GMDS: variants seen among roughly 807,000 people sequenced by gnomAD.
GMDS encodes GDP-mannose 4,6-dehydratase, also known as GDP-mannose 4,6 dehydratase.
Under a neutral mutation model 49.9 loss-of-function variants are expected in GMDS, and 20 were observed. That is an observed-to-expected ratio of 0.40 (90% CI 0.28 to 0.58). GMDS has a LOEUF of 0.58. GMDS is among the 20% of genes least tolerant of loss of function. The pLI is 0.42. For missense variants in GMDS, 362 were observed against 481.4 expected (o/e 0.75, Z 2.32); for synonymous variants, 177 against 178.6 (o/e 0.99, Z 0.07).
chr6:1,879,612 T>TAC (rs1759266835), intron 7 of GMDS, among the ~76,000 whole-genome samples: 1 of 152,060 alleles, frequency 6.6e-6, no homozygotes, highest in South Asian at 2.1e-4. Flanking sequence ...AATATTGAGA[T>TAC]AGAGAGAAGT....
At chr6:1,932,684 C>T (rs1490222303) in intron 6 of GMDS, among the ~76,000 whole-genome samples, 3 of 151,890 alleles carry the variant, frequency 2.0e-5, no homozygotes, top group African/African-American at 7.3e-5. Context: ...ACTACAGGTG[C>T]CCGTCACCAC....
chr6:1,669,463 C>T (rs751935413), intron 9 of GMDS, among the ~76,000 whole-genome samples: 9 of 152,284 alleles, frequency 5.9e-5, no homozygotes, highest in South Asian at 4.1e-4. Context: ...GAGAGAAAAA[C>T]GCACTTTGTG....
intron 9 of GMDS, among the ~76,000 whole-genome samples, chr6:1,652,122 CA>C (rs1763669737): frequency 6.6e-6 from 1 of 151,120 alleles, no homozygotes; most frequent in Admixed American, 6.6e-5. Flanking sequence ...TCTGTAATCC[CA>C]GCACTTTGGG....
chr6:2,042,639 C>T (rs1327720984), intron 4 of GMDS, among the ~76,000 whole-genome samples: 1 of 152,074 alleles, frequency 6.6e-6, no homozygotes, highest in East Asian at 1.9e-4. Context: ...TGGCTTAGTA[C>T]CAAGGAACCT....
intron 7 of GMDS, among the ~76,000 whole-genome samples, chr6:1,844,718 T>C (rs537142205): frequency 4.3e-4 from 65 of 152,316 alleles, no homozygotes; most frequent in African/African-American, 1.5e-3. Context: ...AAAATGGAAG[T>C]TCAAGCTGCA....
chr6:1,789,173 T>C (rs1769428909), intron 7 of GMDS, among the ~76,000 whole-genome samples: 1 of 152,244 alleles, frequency 6.6e-6, no homozygotes, highest in Non-Finnish European at 1.5e-5. Flanking sequence ...AAAGCTTCCA[T>C]GTGCTCAAGA....
intron 4 of GMDS, among the ~76,000 whole-genome samples, chr6:2,065,516 CTT>C (rs1771515643): frequency 6.6e-6 from 1 of 152,070 alleles, no homozygotes; most frequent in Admixed American, 6.6e-5. Flanking sequence ...AAGTTGAAAA[CTT>C]TGAAAAAAAT....
chr6:1,963,833 C>T (rs1764110359), intron 4 of GMDS, among the ~76,000 whole-genome samples: 1 of 152,196 alleles, frequency 6.6e-6, no homozygotes, highest in African/African-American at 2.4e-5. Context: ...ACAGCAGGGC[C>T]ACAACTGTAA....
At chr6:1,813,011 C>A (rs542149574) in intron 7 of GMDS, among the ~76,000 whole-genome samples, 1 of 151,934 alleles carries the variant, frequency 6.6e-6, no homozygotes, top group Admixed American at 6.6e-5. Context: ...CTGCTTGAGG[C>A]GGTCGAGACC....
At chr6:2,188,832 G>A (rs1253251636) in intron 1 of GMDS, among the ~76,000 whole-genome samples, 1 of 152,208 alleles carries the variant, frequency 6.6e-6, no homozygotes, top group Middle Eastern at 3.2e-3. Context: ...CCACAGGTGA[G>A]GACGTGGAAG....
intron 4 of GMDS, among the ~76,000 whole-genome samples, chr6:2,005,429 T>G (rs1460398875): frequency 2.0e-5 from 3 of 152,194 alleles, no homozygotes; most frequent in Non-Finnish European, 4.4e-5. Flanking sequence ...CAAATTTATG[T>G]GTCTTGGAAT....
intron 4 of GMDS, among the ~76,000 whole-genome samples, chr6:2,050,543 C>T (rs1770325925): frequency 6.6e-6 from 1 of 152,180 alleles, no homozygotes; most frequent in Non-Finnish European, 1.5e-5. Context: ...CCAGCATCAT[C>T]CTAATACCAA....
intron 8 of GMDS, among the ~76,000 whole-genome samples, chr6:1,742,211 C>T (rs556457641): frequency 2.1e-4 from 32 of 152,014 alleles, no homozygotes; most frequent in Admixed American, 1.6e-3. Flanking sequence ...TGAACCACCG[C>T]GCCTGGCCAA....
intron 7 of GMDS, among the ~76,000 whole-genome samples, chr6:1,759,697 C>G (rs6916153): frequency 0.51 from 77,010 of 151,970 alleles, 19,811 homozygotes; most frequent in East Asian, 0.66. Flanking sequence ...TAGGAAAAAG[C>G]GTTTTAAAAG....
chr6:2,153,680 A>G (rs1257569739), intron 1 of GMDS, among the ~76,000 whole-genome samples: 1 of 152,194 alleles, frequency 6.6e-6, no homozygotes, highest in East Asian at 1.9e-4. Context: ...AAAAAAAGTT[A>G]TCTAAACCCC....
intron 3 of GMDS, among the ~76,000 whole-genome samples, chr6:2,116,157 A>G (rs770362694): frequency 6.6e-6 from 1 of 152,228 alleles, no homozygotes; most frequent in Non-Finnish European, 1.5e-5. Flanking sequence ...ATACAATAAC[A>G]TATCTTAGGG....
At chr6:1,902,064 C>T (rs577811688) in intron 7 of GMDS, among the ~76,000 whole-genome samples, 4 of 152,316 alleles carry the variant, frequency 2.6e-5, no homozygotes, top group East Asian at 1.9e-4. Context: ...ATATCACATA[C>T]GCTGTGCCAT....
chr6:1,645,334 C>T (rs934365238), intron 9 of GMDS, among the ~76,000 whole-genome samples: 9 of 152,222 alleles, frequency 5.9e-5, no homozygotes, highest in African/African-American at 1.4e-4. Context: ...TTCAGTCACC[C>T]GTGCTGTGCC....
chr6:2,103,303 A>C (rs1049322049), intron 4 of GMDS, among the ~76,000 whole-genome samples: 2 of 152,168 alleles, frequency 1.3e-5, no homozygotes, highest in Non-Finnish European at 2.9e-5. Context: ...CTCAGAAATG[A>C]GGGAAGGGGT....
Sources: allele counts gnomAD v4.1 joint callset (sites outside exome capture counted in the v4.1 genomes callset), GRCh38; gene constraint gnomAD v4.1.1; transcripts MANE v1.5; gene names NCBI Gene and HGNC (gene_info 2026-07-23, HGNC 2026-07-21).